Variants in HOXB5 observed in about 807,000 individuals in gnomAD.
HOXB5 encodes the protein homeobox protein Hox-B5.
In HOXB5, 10 loss-of-function variants were observed where a neutral mutation model predicts 19.6. The ratio of observed to expected loss-of-function variants is 0.51; its 90% CI spans 0.32 to 0.87. The LOEUF is 0.87. Ranked by LOEUF, HOXB5 falls within the 40% of genes least tolerant of loss-of-function variation. HOXB5 has a pLI of 0.04. For synonymous variants in HOXB5, 167 were observed against 156.9 expected, an observed-to-expected ratio of 1.06 and a Z score of -0.48; for missense variants, 353 against 369.6, an observed-to-expected ratio of 0.96 and a Z score of 0.37.
chr17:48,592,745 G>T (rs1056295391), intron 1 of HOXB5, among the ~76,000 whole-genome samples: 3 of 152,214 alleles, frequency 2.0e-5, no homozygotes, highest in Non-Finnish European at 4.4e-5. Flanking sequence ...AGGGAGGAGA[G>T]CGGTTGCACT....
rs1268893148 is a variant in HOXB5 at position 48,592,171 on chromosome 17, G to T, written c.*38C>A. 6.3e-7 allele frequency: 1 copy of T among 1,598,750 alleles called. No individual in the cohort carries two copies. Among genetic ancestry groups the T allele is most frequent in the Admixed American group, 1.7e-5 (1 of 59,454 alleles). On this transcript the variant is annotated 3_prime_UTR_variant, in exon 2 of 2. Transcript: ENST00000239151. ...ATTGGAGGGGCCAGGGCTGGGGGTGGCACGGGCTCTTGGGCCGCTGGGCTC... is the reference window on the plus strand; with the variant it reads ...ATTGGAGGGGCCAGGGCTGGGGGTGTCACGGGCTCTTGGGCCGCTGGGCTC...
chr17:48,593,064 C>CCCCCCCCAAAAG, intron 1 of HOXB5, 57 bp downstream of exon 1: 1 of 725,180 alleles, frequency 1.4e-6, no homozygotes, highest in South Asian at 1.9e-5. Context: ...CCCCCCGATC[C>CCCCCCCCAAAAG]CACCCCAAAA....
In HOXB5 at chr17:48,593,277, C is replaced by T. The variant is rs752037853; in HGVS notation, c.406G>A (p.Ala136Thr). 5.6e-6 allele frequency: 9 copies of T among 1,613,582 alleles called. No homozygotes were observed. The Admixed American group carries it at 1.5e-4, about 27-fold the overall frequency. Reference sequence around the variant, plus strand: ...TCCTCAGGCTCCGAGGACGCGCTGGCCTCGTCTATTTCGGTGAAATTGGCG... The same window carrying T: ...TCCTCAGGCTCCGAGGACGCGCTGGTCTCGTCTATTTCGGTGAAATTGGCG... ...SSANFTEIDE[A>T]SASSEPEEAA... Residue 136 changes from alanine to threonine, a missense_variant, in exon 1 of 2, where the codon GCC becomes ACC. Coordinates refer to ENST00000239151, the MANE Select transcript of HOXB5 (RefSeq NM_002147.4).
chr17:48,592,255 A>G lies in HOXB5; in HGVS notation c.764T>C (p.Leu255Ser). 2.5e-6 allele frequency: 4 copies of G among 1,613,582 alleles called. No individual in the cohort carries two copies. The highest frequency in any genetic ancestry group is 1.7e-5 in the Admixed American group (1 of 59,976). Residue 255 changes from leucine to serine, a missense_variant, in exon 2 of 2, where the codon TTG becomes TCG. Physicochemically the swap from Leu to Ser is moderately radical, Grantham distance 145 (BLOSUM62 -2). Coordinates refer to ENST00000239151, the MANE Select transcript of HOXB5 (RefSeq NM_002147.4). Reference protein sequence around the residue: ...RRMKWKKDNKLKSMSLATAGS... With the variant: ...RRMKWKKDNKSKSMSLATAGS... ...AGCTGTAGCCAGGCTCATACTTTTCAATTTGTTGTCCTTCTTCCACTTCAT... is the reference window on the plus strand; with the variant it reads ...AGCTGTAGCCAGGCTCATACTTTTCGATTTGTTGTCCTTCTTCCACTTCAT...
Position 48,593,757 on chromosome 17 carries a change from A to C in HOXB5, c.-75T>G. On this transcript the variant is annotated 5_prime_UTR_variant, in exon 1 of 2. The change creates a new upstream start codon in the 5' untranslated region. Coordinates refer to ENST00000239151, the MANE Select transcript of HOXB5 (RefSeq NM_002147.4). ...TGTGCTTCACGATTTATGATGTATTAATGAATTATAGCGATGCACTGTACT... is the reference window on the plus strand; with the variant it reads ...TGTGCTTCACGATTTATGATGTATTCATGAATTATAGCGATGCACTGTACT... The C allele has an allele frequency of 3.4e-6, 4 of 1,165,498 alleles. No individual in the cohort carries two copies. The highest frequency in any genetic ancestry group is 4.7e-6 in the Non-Finnish European group (4 of 850,834). The allele number at this position is 1,165,498 out of a possible 1,614,324, so 72.2% of individuals were successfully genotyped here.
intron 1 of HOXB5, 37 bp from the exon 2 acceptor site, chr17:48,592,493 T>A: frequency 1.0e-6 from 1 of 990,950 alleles, no homozygotes; most frequent in Non-Finnish European, 1.5e-6. Flanking sequence ...GGCAACATTA[T>A]TCCGGTTAAG....
intron 1 of HOXB5, 52 bp downstream of exon 1, chr17:48,593,069 C>CCCAAAAG: frequency 9.8e-7 from 1 of 1,016,350 alleles, no homozygotes; most frequent in Non-Finnish European, 1.4e-6. Context: ...CGATCCCACC[C>CCCAAAAG]CAAAACGCAG....
At position 48,592,427 on chromosome 17, in the gene HOXB5, G is replaced by A. The variant is rs779546280; in HGVS notation, c.592C>T (p.Arg198Trp). The A allele has an allele frequency of 6.2e-7, 1 of 1,613,926 alleles. No homozygotes were observed. The highest frequency in any genetic ancestry group is 8.5e-7 in the Non-Finnish European group (1 of 1,179,976). Residue 198 changes from arginine (R) to tryptophan (W), a missense_variant, in exon 2 of 2, where the codon CGG becomes TGG. By Grantham distance (101) the Arg-to-Trp change is moderately radical (BLOSUM62 -3). Coordinates refer to ENST00000239151, the MANE Select transcript of HOXB5 (RefSeq NM_002147.4). Reference sequence around the variant, plus strand: ...GTCTGGTAGCGGGTATACGCGGTCCGGGCCCTTTTCCCGTCCGGCCCGGTC... The same window carrying A: ...GTCTGGTAGCGGGTATACGCGGTCCAGGCCCTTTTCCCGTCCGGCCCGGTC... ...DMTGPDGKRA[R>W]TAYTRYQTLE...
chr17:48,593,417 G>A lies in HOXB5; in HGVS notation c.266C>T (p.Ala89Val). ...PAQEPRFRQAASSCSLSSPES... is the reference protein window; with the variant it reads ...PAQEPRFRQAVSSCSLSSPES... ...GGGCGAGGACAGGGAGCAGCTCGAA[G>A]CCGCTTGCCTGAAGCGGGGCTCCTG... Residue 89 changes from alanine (A) to valine (V), a missense_variant, in exon 1 of 2, where the codon GCT (alanine) becomes GTT (valine). Transcript: ENST00000239151. 1 of 1,608,776 alleles carries A rather than the reference G, an allele frequency of 6.2e-7. No homozygotes were observed. Among genetic ancestry groups the A allele is most frequent in the Non-Finnish European group, 8.5e-7 (1 of 1,176,736 alleles).
At chr17:48,593,025 T>G in intron 1 of HOXB5, 96 bp downstream of exon 1, 6 of 927,820 alleles carry the variant, frequency 6.5e-6, no homozygotes, top group African/African-American at 3.3e-5. Context: ...AATGAATCTA[T>G]ATTTAGGGTA....
In HOXB5 at chr17:48,591,353, C is replaced by G. The variant is rs954038627; in HGVS notation, c.*856G>C. The G allele has an allele frequency of 7.2e-5, 11 of 152,664 alleles. No individual in the cohort carries two copies. Among genetic ancestry groups the G allele is most frequent in the Admixed American group, 2.0e-4 (3 of 15,276 alleles). 9.5% of individuals were successfully genotyped at this position (152,664 alleles called of 1,614,324 possible). ...AGGCCCCGCAAAGACAGATTTCACACGTAGCACAGCATCCACTCGCTCACT... is the reference window on the plus strand; with the variant it reads ...AGGCCCCGCAAAGACAGATTTCACAGGTAGCACAGCATCCACTCGCTCACT... On this transcript the variant is annotated 3_prime_UTR_variant, in exon 2 of 2. Transcript: ENST00000239151.
In HOXB5 at chr17:48,593,274, T is replaced by G. The variant is rs758982806; in HGVS notation, c.409A>C (p.Ser137Arg). The change falls in exon 1 of 2, where the codon AGC becomes CGC. Residue 137 changes from serine (S) to arginine (R), a missense_variant. By Grantham distance (110) the Ser-to-Arg change is moderately radical (BLOSUM62 -1). Transcript: ENST00000239151. ...GCTTCCTCAGGCTCCGAGGACGCGC[T>G]GGCCTCGTCTATTTCGGTGAAATTG... ...SANFTEIDEA[S>R]ASSEPEEAAS... 1.2e-6 allele frequency: 2 copies of G among 1,613,744 alleles called. No homozygotes were observed. The highest frequency in any genetic ancestry group is 3.3e-5 in the Admixed American group (2 of 60,022).
In HOXB5 at chr17:48,592,248, A is replaced by G; in HGVS notation, c.771T>C (p.Ser257=). The part of the protein sequence containing the change: ...MKWKKDNKLK[S]MSLATAGSAF... ...CGCTGCCAGCTGTAGCCAGGCTCAT[A>G]CTTTTCAATTTGTTGTCCTTCTTCC... Residue 257 remains serine (S), a synonymous_variant, in exon 2 of 2, where the codon AGT becomes AGC. Transcript: ENST00000239151. The G allele has an allele frequency of 6.2e-7, 1 of 1,613,838 alleles. No individual in the cohort carries two copies. The highest frequency in any genetic ancestry group is 8.5e-7 in the Non-Finnish European group (1 of 1,179,988).
intron 1 of HOXB5, 150 bp from the exon 2 acceptor site, chr17:48,592,606 A>C (rs2070179758): frequency 6.1e-6 from 5 of 820,640 alleles, no homozygotes; most frequent in Non-Finnish European, 9.3e-6. Context: ...GCCCACATTC[A>C]AGCTCGATTT....
chr17:48,593,090 C>G, intron 1 of HOXB5, 31 bp downstream of exon 1: 1 of 1,096,250 alleles, frequency 9.1e-7, no homozygotes, highest in South Asian at 1.7e-5. Flanking sequence ...AGAAGGAAAG[C>G]CGAGAAGACA....
rs1378155625 is a variant in HOXB5, at chr17:48,591,517, A to AT, written c.*691dup. 6.5e-6 allele frequency: 1 copy of AT among 152,698 alleles called. No homozygotes were observed. Among genetic ancestry groups the AT allele is most frequent in the Non-Finnish European group, 1.5e-5 (1 of 68,074 alleles). The allele number at this position is 152,698 out of a possible 1,614,324, so 9.5% of individuals were successfully genotyped here. On this transcript the variant is annotated 3_prime_UTR_variant, in exon 2 of 2. Transcript: ENST00000239151. ...CACAAGACATTTTGCACTGAGGATC[A>AT]TTTTTGTTTCCGTATACTCCCAGAC...
intron 1 of HOXB5, among the ~76,000 whole-genome samples, chr17:48,592,727 G>A (rs1168809581): frequency 6.6e-6 from 1 of 152,180 alleles, no homozygotes; most frequent in Admixed American, 6.5e-5. Flanking sequence ...GCGGCCGCTC[G>A]CCCCGGGAGG....
chr17:48,592,664 G>A (rs1257499926), intron 1 of HOXB5, among the ~76,000 whole-genome samples: 3 of 152,190 alleles, frequency 2.0e-5, no homozygotes, highest in Non-Finnish European at 4.4e-5. Context: ...CAGCCAGTGC[G>A]CCCGGCTTTG....
rs891899959 is a variant in HOXB5, at chr17:48,591,312, A to T, written c.*897T>A. The T allele has an allele frequency of 2.2e-4, 33 of 152,634 alleles. No individual in the cohort carries two copies. Among genetic ancestry groups the T allele is most frequent in the African/African-American group, 8.0e-4 (33 of 41,434 alleles). The allele number at this position is 152,634 out of a possible 1,614,324, so 9.5% of individuals were successfully genotyped here. On this transcript the variant is annotated 3_prime_UTR_variant, in exon 2 of 2. Transcript: ENST00000239151. ...AGGAAAGCTACAAACAAATACCAAAAGCGAATCACTGAGACAGGCCCCGCA... is the reference window on the plus strand; with the variant it reads ...AGGAAAGCTACAAACAAATACCAAATGCGAATCACTGAGACAGGCCCCGCA...
Sources: gnomAD v4.1 joint callset for allele counts (sites outside exome capture counted in the v4.1 genomes callset) on GRCh38, gnomAD v4.1.1 for gene constraint, MANE v1.5 for transcripts, NCBI Gene and HGNC (gene_info 2026-07-23, HGNC 2026-07-21) for gene names.